The following SCN11A variants were observed in gnomAD, a reference collection of about 807,000 sequenced individuals.
The protein encoded by SCN11A is sodium voltage-gated channel alpha subunit 11.
Under a neutral mutation model 162.2 loss-of-function variants are expected in SCN11A, and 122 were observed. The ratio of observed to expected loss-of-function variants is 0.75; its 90% CI spans 0.65 to 0.87. The LOEUF (loss-of-function observed/expected upper bound fraction) is 0.87, where lower values mean the gene tolerates loss of function less well. Ranked by LOEUF, SCN11A falls within the 40% of genes least tolerant of loss-of-function variation. The probability of loss-of-function intolerance (pLI) is 0.00; values close to 1 mark genes in which losing one functional copy is unlikely to be tolerated. For synonymous variants in SCN11A, 758 were observed against 751.5 expected, an observed-to-expected ratio of 1.01 and a Z score of -0.14; for missense variants, 2,015 against 2,181.6, an observed-to-expected ratio of 0.92 and a Z score of 1.52.
intron 27 of SCN11A, among the ~76,000 whole-genome samples, chr3:38,865,229 G>C (rs1204680820): frequency 6.6e-6 from 1 of 152,126 alleles, no homozygotes; most frequent in African/African-American, 2.4e-5. Context: ...GAGATTTTCT[G>C]TAATAAAAAG....
Position 38,863,302 on chromosome 3 carries a change from A to G in SCN11A, c.3952-3T>C. On this transcript the variant is annotated splice_polypyrimidine_tract_variant and splice_region_variant and intron_variant, in intron 27 of 29. Transcript: ENST00000302328. ...ATAAAAATGTCTTGGCCACCTAAGT[A>G]TATGGAGAAGATAAGAGCTAATTAC... The G allele has an allele frequency of 6.7e-7, 1 of 1,482,000 alleles. No homozygotes were observed. The highest frequency in any genetic ancestry group is 1.1e-5 in the South Asian group (1 of 87,506). 91.8% of individuals were successfully genotyped at this position (1,482,000 alleles called of 1,614,324 possible).
intron 28 of SCN11A, among the ~76,000 whole-genome samples, chr3:38,853,694 G>C (rs967346966): frequency 6.6e-6 from 1 of 152,090 alleles, no homozygotes; most frequent in Non-Finnish European, 1.5e-5. Flanking sequence ...CATCATTTGC[G>C]ATCTCATGTT....
At chr3:39,043,590 A>C (rs1248322631) in intron 1 of SCN11A, among the ~76,000 whole-genome samples, 1 of 151,776 alleles carries the variant, frequency 6.6e-6, no homozygotes, top group Admixed American at 6.6e-5. Flanking sequence ...CAAACATCAC[A>C]TGTTCCCACT....
chr3:38,896,259 T>C (rs746265707), intron 18 of SCN11A, among the ~76,000 whole-genome samples: 12 of 152,278 alleles, frequency 7.9e-5, no homozygotes, highest in East Asian at 1.9e-4. Context: ...CAATACCTCA[T>C]TGAAGTTAGG....
rs183560931 is a variant in SCN11A at position 38,907,523 on chromosome 3, G to A, written c.1473+426C>T. The stretch of plus-strand genomic sequence containing the variant: ...TCCCTCCTTTCCCAGTGCTTCCTGG[G>A]ATCACTTCCCAAATAATCTACTTGC... On this transcript the variant is annotated intron_variant, in intron 14 of 29. Transcript: ENST00000302328. 4.6e-3 allele frequency among the ~76,000 whole-genome samples: 694 copies of A among 151,746 alleles called. 4 individuals carry two copies. The highest frequency in any genetic ancestry group is 6.0e-3 in the Non-Finnish European group (406 of 67,914).
intron 23 of SCN11A, among the ~76,000 whole-genome samples, chr3:38,878,158 T>C (rs901149860): frequency 2.2e-5 from 3 of 134,224 alleles, no homozygotes; most frequent in African/African-American, 9.2e-5. Flanking sequence ...CCTGAAAGCC[T>C]ATTGAAATAT....
chr3:38,868,926 G>A (rs2065082554), intron 26 of SCN11A, among the ~76,000 whole-genome samples: 2 of 152,154 alleles, frequency 1.3e-5, no homozygotes, highest in African/African-American at 4.8e-5. Flanking sequence ...CCATGGGCCT[G>A]TCATGTTGGG....
At chr3:39,044,714 A>C (rs1326612600) in intron 1 of SCN11A, among the ~76,000 whole-genome samples, 1 of 152,192 alleles carries the variant, frequency 6.6e-6, no homozygotes, top group Non-Finnish European at 1.5e-5. Context: ...CCTACATCAA[A>C]AAAAGCAGAA....
chr3:38,927,020 T>G lies in SCN11A; in HGVS notation c.489-89A>C, dbSNP rs144777985. Reference sequence around the variant, plus strand: ...TTCTATCTTACTGGCCTTGATTTTTTTTTCCATTTCAATGTGACATTTAAC... The same window carrying G: ...TTCTATCTTACTGGCCTTGATTTTTGTTTCCATTTCAATGTGACATTTAAC... On this transcript the variant is annotated intron_variant, in intron 7 of 29. Coordinates refer to ENST00000302328, the MANE Select transcript of SCN11A (RefSeq NM_001349253.2). The G allele has an allele frequency of 1.7e-3, 2,236 of 1,292,410 alleles. 1 individual carries two copies. Among genetic ancestry groups the G allele is most frequent in the Non-Finnish European group, 2.0e-3 (1,903 of 943,800 alleles). 80.1% of individuals were successfully genotyped at this position (1,292,410 alleles called of 1,614,324 possible). A position where few individuals can be genotyped will look rare whatever the true frequency, so the allele number is the denominator to read the frequency against.
intron 2 of SCN11A, chr3:39,026,113 AAAAAT>A (rs1395433065): frequency 8.6e-5 from 13 of 151,300 alleles, no homozygotes; most frequent in East Asian, 7.7e-4. Context: ...TGTGTCAATT[AAAAAT>A]AAAATAAAAC....
chr3:38,920,023 A>C (rs376624314), intron 10 of SCN11A, 22 bp from the exon 11 acceptor site: 1 of 1,575,182 alleles, frequency 6.3e-7, no homozygotes, highest in Non-Finnish European at 8.7e-7. Context: ...AAAAGTCATA[A>C]ATTCAGATTT....
intron 7 of SCN11A, 102 bp downstream of exon 7, chr3:38,945,298 CATATGTGTTAG>C (rs1448749996): frequency 4.6e-6 from 3 of 655,372 alleles, no homozygotes; most frequent in African/African-American, 3.7e-5. Context: ...ATTCTGCCAA[CATATGTGTTAG>C]AATTATTAGT....
At chr3:38,950,059 C>CG in intron 5 of SCN11A, 37 bp downstream of exon 5, 3 of 124,694 alleles carry the variant, frequency 2.4e-5, no homozygotes, top group East Asian at 2.1e-4. Context: ...GTTAGAACAC[C>CG]CCCACCCCCA....
chr3:38,969,549 TCCTTGAC>T (rs2066804049), intron 2 of SCN11A, among the ~76,000 whole-genome samples: 1 of 152,172 alleles, frequency 6.6e-6, no homozygotes, highest in South Asian at 2.1e-4. Context: ...GAAGCTGCCA[TCCTTGAC>T]CCTGTGGTCT....
intron 28 of SCN11A, among the ~76,000 whole-genome samples, chr3:38,853,083 C>T (rs1456431365): frequency 1.3e-5 from 2 of 152,214 alleles, no homozygotes; most frequent in African/African-American, 4.8e-5. Context: ...TTAATGTTGT[C>T]TGCACCCACT....
chr3:38,877,056 A>ATATATGGTG lies in SCN11A; in HGVS notation c.3393+2893_3393+2894insCACCATATA, dbSNP rs1166923506. ...GGTATATATATGGTGTATATACTAT[A>ATATATGGTG]TATATGGTATATATATGGTGTATAT... On this transcript the variant is annotated intron_variant, in intron 23 of 29. Coordinates refer to ENST00000302328, the MANE Select transcript of SCN11A (RefSeq NM_001349253.2). Among the ~76,000 whole-genome samples the ATATATGGTG allele has an allele frequency of 6.5e-4, 86 of 132,728 alleles. 3 individuals carry two copies. The highest frequency in any genetic ancestry group is 4.0e-3 in the Middle Eastern group (1 of 248). 87.1% of individuals were successfully genotyped at this position (132,728 alleles called of 152,430 possible). A position where few individuals can be genotyped will look rare whatever the true frequency, so the allele number is the denominator to read the frequency against.
chr3:39,011,179 T>C (rs1351276387), intron 2 of SCN11A, among the ~76,000 whole-genome samples: 1 of 152,178 alleles, frequency 6.6e-6, no homozygotes, highest in African/African-American at 2.4e-5. Flanking sequence ...GAAAGGGTTT[T>C]TAAAGGCAGG....
chr3:38,908,640 A>G (rs191243558), intron 13 of SCN11A, among the ~76,000 whole-genome samples: 224 of 152,312 alleles, frequency 1.5e-3, no homozygotes, highest in African/African-American at 5.1e-3. Context: ...AAGGCGCCGA[A>G]CACAAACATC....
intron 2 of SCN11A, among the ~76,000 whole-genome samples, chr3:39,026,434 T>C (rs883349): frequency 0.5 from 76,730 of 152,120 alleles, 22,923 homozygotes; most frequent in African/African-American, 0.85. Flanking sequence ...GTTCTCCCTT[T>C]TCCCATCATG....
Sources: allele counts gnomAD v4.1 joint callset (sites outside exome capture counted in the v4.1 genomes callset), GRCh38; gene constraint gnomAD v4.1.1; transcripts MANE v1.5; gene names NCBI Gene and HGNC (gene_info 2026-07-23, HGNC 2026-07-21).